ABHD12: variants seen among roughly 807,000 people sequenced by gnomAD.
The protein encoded by ABHD12 is lysophosphatidylserine lipase ABHD12.
Under a neutral mutation model 58.3 loss-of-function variants are expected in ABHD12, and 43 were observed. That is an observed-to-expected ratio of 0.74 (90% confidence interval 0.58 to 0.95). ABHD12 has a LOEUF of 0.95. Among genes scored for constraint, ABHD12 ranks in the 40% least tolerant of loss-of-function variants. The pLI, the probability that ABHD12 is intolerant of heterozygous loss-of-function variation, is 0.00. For synonymous variants in ABHD12, 219 were observed against 211.2 expected (o/e 1.04, Z -0.32); for missense variants, 539 against 537.2 (o/e 1.00, Z -0.03).
intron 1 of ABHD12, among the ~76,000 whole-genome samples, chr20:25,359,939 C>T (rs2089722513): frequency 6.6e-6 from 1 of 152,060 alleles, no homozygotes; most frequent in African/African-American, 2.4e-5. Context: ...AAAAATATTT[C>T]CCTCTATCAT....
At chr20:25,370,396 CAAGAA>C (rs1267190488) in intron 1 of ABHD12, among the ~76,000 whole-genome samples, 3 of 152,148 alleles carry the variant, frequency 2.0e-5, no homozygotes, top group Non-Finnish European at 4.4e-5. Context: ...CCACCAACTC[CAAGAA>C]AAGACTTCTG....
At chr20:25,381,214 C>G (rs1231145977) in intron 1 of ABHD12, among the ~76,000 whole-genome samples, 1 of 152,204 alleles carries the variant, frequency 6.6e-6, no homozygotes, top group Non-Finnish European at 1.5e-5. Context: ...GAAACATCCC[C>G]TGTACACCCA....
chr20:25,360,714 A>C (rs1231272875), intron 1 of ABHD12, among the ~76,000 whole-genome samples: 1 of 152,236 alleles, frequency 6.6e-6, no homozygotes, highest in Non-Finnish European at 1.5e-5. Flanking sequence ...ACAGGAATTA[A>C]GGTGACAGAT....
At chr20:25,311,272 C>T (rs1157745895) in intron 6 of ABHD12, among the ~76,000 whole-genome samples, 3 of 152,160 alleles carry the variant, frequency 2.0e-5, no homozygotes, top group Non-Finnish European at 4.4e-5. Flanking sequence ...CCAAAATAAC[C>T]ACAAGGGTCC....
chr20:25,345,701 C>G (rs1475912965), intron 1 of ABHD12, among the ~76,000 whole-genome samples: 2 of 152,144 alleles, frequency 1.3e-5, no homozygotes, highest in African/African-American at 2.4e-5. Context: ...AAGGTGTTCA[C>G]ATATGTAATC....
chr20:25,344,050 C>T (rs2089488138), intron 1 of ABHD12, among the ~76,000 whole-genome samples: 1 of 152,116 alleles, frequency 6.6e-6, no homozygotes, highest in South Asian at 2.1e-4. Context: ...GCACAAAAAG[C>T]ATGTGACAAA....
intron 5 of ABHD12, among the ~76,000 whole-genome samples, chr20:25,316,458 C>T (rs774519832): frequency 1.3e-5 from 2 of 152,316 alleles, no homozygotes; most frequent in South Asian, 2.1e-4. Flanking sequence ...CACACCCAGC[C>T]GTCTCTTTTC....
chr20:25,326,392 G>A (rs995228631), intron 2 of ABHD12, among the ~76,000 whole-genome samples: 9 of 152,288 alleles, frequency 5.9e-5, no homozygotes, highest in Admixed American at 4.6e-4. Flanking sequence ...CCCATACAGG[G>A]CTCCTGACCT....
At position 25,339,244 on chromosome 20, in the gene ABHD12, A is replaced by T; in HGVS notation, c.299T>A (p.Leu100Gln). 1 of 1,614,204 alleles carries T rather than the reference A, an allele frequency of 6.2e-7. No individual in the cohort carries two copies. The highest frequency in any genetic ancestry group is 8.5e-7 in the Non-Finnish European group (1 of 1,180,040). Reference sequence around the variant, plus strand: ...CCACTTACCGAAATTCAAGAAAATCAGTTTGGCCTGTATTCCAGGACATAG... The same window carrying T: ...CCACTTACCGAAATTCAAGAAAATCTGTTTGGCCTGTATTCCAGGACATAG... Reference protein sequence around the residue: ...IKLCPGIQAKLIFLNFVRVPY... With the variant: ...IKLCPGIQAKQIFLNFVRVPY... Residue 100 changes from leucine to glutamine, a missense_variant, in exon 2 of 13, where the codon CTG becomes CAG. Leu to Gln is a moderately radical substitution (Grantham distance 113). Transcript: ENST00000339157.
downstream of ABHD12, chr20:25,297,285 A>G (rs2088562436): frequency 6.6e-6 from 1 of 152,400 alleles, no homozygotes; most frequent in South Asian, 2.1e-4. Context: ...GCTTATTCAA[A>G]AGAGAAAATA....
Position 25,339,354 on chromosome 20 carries a change from G to A in ABHD12, c.192-3C>T. On this transcript the variant is annotated splice_region_variant and splice_polypyrimidine_tract_variant and intron_variant, in intron 1 of 12. Transcript: ENST00000339157. Reference sequence around the variant, plus strand: ...GGCGCAACCACACGCCCTTTCGCCTGCAAGAGAAAAGCAATGAATAGGTCA... The same window carrying A: ...GGCGCAACCACACGCCCTTTCGCCTACAAGAGAAAAGCAATGAATAGGTCA... The A allele has an allele frequency of 6.2e-7, 1 of 1,614,084 alleles. No individual in the cohort carries two copies. The highest frequency in any genetic ancestry group is 1.1e-5 in the South Asian group (1 of 91,074).
intron 2 of ABHD12, among the ~76,000 whole-genome samples, chr20:25,337,671 A>G (rs886160321): frequency 6.6e-6 from 1 of 152,250 alleles, no homozygotes; most frequent in African/African-American, 2.4e-5. Flanking sequence ...CAAGGGGGCC[A>G]GCAAAGGTAG....
At chr20:25,354,682 C>G (rs2089644965) in intron 1 of ABHD12, among the ~76,000 whole-genome samples, 1 of 151,760 alleles carries the variant, frequency 6.6e-6, no homozygotes. Context: ...GACAGTGACA[C>G]CAAAAGAAAT....
intron 2 of ABHD12, among the ~76,000 whole-genome samples, chr20:25,326,937 C>T (rs2089186204): frequency 6.6e-6 from 1 of 152,170 alleles, no homozygotes; most frequent in Non-Finnish European, 1.5e-5. Flanking sequence ...GTACACTGTT[C>T]CCTTAAATGC....
chr20:25,339,306 A>G lies in ABHD12; in HGVS notation c.237T>C (p.Val79=). ...WLRLRKILFC[V]LGLYIAIPFL... ...ATGGAATGGCAATGTACAACCCCAA[A>G]ACACAGAAAAGTATCTTCCTCAGGC... The change falls in exon 2 of 13, where the codon GTT becomes GTC. Residue 79 remains valine, a synonymous_variant. Transcript: ENST00000339157. 6.2e-7 allele frequency: 1 copy of G among 1,614,202 alleles called. No individual in the cohort carries two copies. The highest frequency in any genetic ancestry group is 8.5e-7 in the Non-Finnish European group (1 of 1,180,032).
chr20:25,390,233 G>A (rs967253921), intron 1 of ABHD12: 2 of 322,204 alleles, frequency 6.2e-6, no homozygotes, highest in South Asian at 2.1e-4. Context: ...AAAGGGTCGG[G>A]GTGCAAGGCT....
At chr20:25,334,050 T>C (rs2089322157) in intron 2 of ABHD12, among the ~76,000 whole-genome samples, 1 of 152,090 alleles carries the variant, frequency 6.6e-6, no homozygotes, top group African/African-American at 2.4e-5. Flanking sequence ...ATGGTATATC[T>C]AGAAAACCCC....
intron 1 of ABHD12, among the ~76,000 whole-genome samples, chr20:25,343,218 A>C (rs1032036584): frequency 3.3e-5 from 5 of 152,226 alleles, no homozygotes; most frequent in Admixed American, 1.3e-4. Flanking sequence ...AATAATTAAC[A>C]ACCTTCCAAA....
At chr20:25,305,266 T>C (rs958194277) in intron 10 of ABHD12, among the ~76,000 whole-genome samples, 1 of 152,264 alleles carries the variant, frequency 6.6e-6, no homozygotes, top group Non-Finnish European at 1.5e-5. Flanking sequence ...TCTATTTTTA[T>C]TTTTAGAACC....
Sources: gnomAD v4.1 joint callset for allele counts (sites outside exome capture counted in the v4.1 genomes callset) on GRCh38, gnomAD v4.1.1 for gene constraint, MANE v1.5 for transcripts, NCBI Gene and HGNC (gene_info 2026-07-23, HGNC 2026-07-21) for gene names.